Variants in FBXL7 observed in about 807,000 individuals in gnomAD.
FBXL7 encodes F-box/LRR-repeat protein 7.
FBXL7 carries 12 observed loss-of-function variants against 38.3 expected under a neutral mutation model. That is an observed-to-expected ratio of 0.31 (90% CI 0.20 to 0.51). The LOEUF (loss-of-function observed/expected upper bound fraction) is 0.51. FBXL7 is among the 20% of genes least tolerant of loss of function. The pLI, the probability that FBXL7 is intolerant of heterozygous loss-of-function variation, is 0.98. For synonymous variants in FBXL7, 297 were observed against 300.9 expected, an observed-to-expected ratio of 0.99 and a Z score of 0.13; for missense variants, 567 against 676.4, an observed-to-expected ratio of 0.84 and a Z score of 1.79.
At chr5:15,825,728 T>C (rs1355694614) in intron 2 of FBXL7, among the ~76,000 whole-genome samples, 1 of 152,240 alleles carries the variant, frequency 6.6e-6, no homozygotes. Context: ...ATACTATCCC[T>C]GTTCTCATAT....
intron 2 of FBXL7, among the ~76,000 whole-genome samples, chr5:15,644,018 G>A (rs560890087): frequency 1.6e-4 from 25 of 152,236 alleles, no homozygotes; most frequent in Admixed American, 1.6e-3. Context: ...TGATGAACCT[G>A]TCAGGCCATA....
intron 1 of FBXL7, among the ~76,000 whole-genome samples, chr5:15,590,453 A>G (rs1739436344): frequency 6.6e-6 from 1 of 151,970 alleles, no homozygotes; most frequent in Non-Finnish European, 1.5e-5. Context: ...CTCTCTGGAT[A>G]GAGTTCAAGT....
intron 2 of FBXL7, among the ~76,000 whole-genome samples, chr5:15,785,102 T>C (rs942780418): frequency 6.6e-6 from 1 of 152,176 alleles, no homozygotes; most frequent in African/African-American, 2.4e-5. Context: ...TGTGCAGTTA[T>C]CAGAATTTCA....
At chr5:15,788,890 C>T (rs538417659) in intron 2 of FBXL7, among the ~76,000 whole-genome samples, 35 of 149,766 alleles carry the variant, frequency 2.3e-4, no homozygotes, top group Non-Finnish European at 4.1e-4. Context: ...CTTGCTCTGT[C>T]GCCCAGCTGG....
intron 2 of FBXL7, among the ~76,000 whole-genome samples, chr5:15,640,783 CA>C (rs1741341166): frequency 6.6e-6 from 1 of 152,202 alleles, no homozygotes; most frequent in Non-Finnish European, 1.5e-5. Flanking sequence ...CTTGGCCTCC[CA>C]AAGTGTTGGG....
chr5:15,527,340 T>C (rs1052015688), intron 1 of FBXL7, among the ~76,000 whole-genome samples: 25 of 152,234 alleles, frequency 1.6e-4, no homozygotes, highest in African/African-American at 6.0e-4. Context: ...GAAAATGAAG[T>C]ATCTGTGATG....
At chr5:15,773,741 CTG>C (rs1243709563) in intron 2 of FBXL7, among the ~76,000 whole-genome samples, 1 of 152,000 alleles carries the variant, frequency 6.6e-6, no homozygotes, top group East Asian at 1.9e-4. Flanking sequence ...TGGATTGCTG[CTG>C]TTTATAATAT....
chr5:15,765,246 T>C (rs1416535781), intron 2 of FBXL7, among the ~76,000 whole-genome samples: 1 of 152,146 alleles, frequency 6.6e-6, no homozygotes, highest in African/African-American at 2.4e-5. Flanking sequence ...TGGTTCTCAA[T>C]TTTTCCTTTA....
At chr5:15,876,239 G>A (rs1348046270) in intron 2 of FBXL7, among the ~76,000 whole-genome samples, 2 of 151,954 alleles carry the variant, frequency 1.3e-5, no homozygotes, top group African/African-American at 4.8e-5. Context: ...TCGCACATGG[G>A]TGCCTGTCAG....
chr5:15,922,214 C>T (rs1741762053), intron 2 of FBXL7, among the ~76,000 whole-genome samples: 1 of 151,362 alleles, frequency 6.6e-6, no homozygotes, highest in South Asian at 2.1e-4. Context: ...GGCGGTCCTG[C>T]CATTTTCCAC....
intron 2 of FBXL7, among the ~76,000 whole-genome samples, chr5:15,916,722 T>C (rs1741594341): frequency 6.6e-6 from 1 of 152,202 alleles, no homozygotes; most frequent in Admixed American, 6.5e-5. Context: ...ATAAATGAAA[T>C]AGCCATATTT....
intron 2 of FBXL7, among the ~76,000 whole-genome samples, chr5:15,781,844 T>C (rs758154211): frequency 4.6e-5 from 7 of 152,036 alleles, no homozygotes; most frequent in Non-Finnish European, 8.8e-5. Flanking sequence ...TTTTAAAAAA[T>C]ATATACTTTA....
intron 2 of FBXL7, among the ~76,000 whole-genome samples, chr5:15,785,293 A>G (rs547968795): frequency 1.3e-5 from 2 of 152,244 alleles, no homozygotes; most frequent in African/African-American, 2.4e-5. Flanking sequence ...CAGAAGACCT[A>G]TTTTCTCTTG....
chr5:15,784,691 A>G (rs1397085714), intron 2 of FBXL7, among the ~76,000 whole-genome samples: 3 of 152,050 alleles, frequency 2.0e-5, no homozygotes, highest in African/African-American at 7.2e-5. Context: ...TGCTCTCACC[A>G]TGTAACATGC....
intron 2 of FBXL7, among the ~76,000 whole-genome samples, chr5:15,712,191 A>T (rs1743896986): frequency 6.6e-6 from 1 of 152,340 alleles, no homozygotes; most frequent in Non-Finnish European, 1.5e-5. Flanking sequence ...CAAAGTCAAC[A>T]TTGTGATAAT....
At chr5:15,504,911 C>G (rs1736602973) in intron 1 of FBXL7, among the ~76,000 whole-genome samples, 1 of 152,160 alleles carries the variant, frequency 6.6e-6, no homozygotes, top group African/African-American at 2.4e-5. Flanking sequence ...TTCAGCAGGT[C>G]AGAGGCAGTA....
At position 15,654,233 on chromosome 5, in the gene FBXL7, C is replaced by G. The variant is rs974495778; in HGVS notation, c.127+38161C>G. On this transcript the variant is annotated intron_variant, in intron 2 of 3. Transcript: ENST00000504595. ...AATACTCCTGAATAGTTCTTCAAAT[C>G]AGGACAGATAAAGTTGGCAACTGAT... Among the ~76,000 whole-genome samples, 40 of 152,210 alleles carry G rather than the reference C, an allele frequency of 2.6e-4. No homozygotes were observed. In the South Asian group the frequency reaches 2.9e-3, roughly 11 times the overall value.
At chr5:15,678,702 A>G (rs184053381) in intron 2 of FBXL7, among the ~76,000 whole-genome samples, 62 of 152,292 alleles carry the variant, frequency 4.1e-4, no homozygotes, top group Middle Eastern at 3.4e-3. Flanking sequence ...AATAAGTCTC[A>G]TGAGATCTGA....
chr5:15,689,130 G>A (rs991826990), intron 2 of FBXL7, among the ~76,000 whole-genome samples: 15 of 152,302 alleles, frequency 9.8e-5, no homozygotes, highest in Non-Finnish European at 1.5e-4. Context: ...TGGGCAATGC[G>A]ACAGCTCCTA....
Sources: gnomAD v4.1 joint callset for allele counts (sites outside exome capture counted in the v4.1 genomes callset) on GRCh38, gnomAD v4.1.1 for gene constraint, MANE v1.5 for transcripts, NCBI Gene and HGNC (gene_info 2026-07-23, HGNC 2026-07-21) for gene names.